EEPD1: variants seen among roughly 807,000 people sequenced by gnomAD.
The protein encoded by EEPD1 is endonuclease/exonuclease/phosphatase family domain-containing protein 1.
A neutral mutation model predicts 46.3 loss-of-function variants in EEPD1; 17 were observed. The observed-to-expected ratio is 0.37, with a 90% CI of 0.25 to 0.55. The LOEUF is 0.55. EEPD1 is among the 20% of genes least tolerant of loss of function. The probability of loss-of-function intolerance (pLI) is 0.83; values close to 1 mark genes in which losing one functional copy is unlikely to be tolerated. For missense variants in EEPD1, 673 were observed against 745.6 expected (o/e 0.90, Z 1.13); for synonymous variants, 313 against 315.6 (o/e 0.99, Z 0.09).
chr7:36,244,685 C>T (rs1446818960), intron 3 of EEPD1, among the ~76,000 whole-genome samples: 1 of 152,040 alleles, frequency 6.6e-6, no homozygotes, highest in Non-Finnish European at 1.5e-5. Flanking sequence ...CCTGAAGGCC[C>T]CAGCCCCTTT....
At chr7:36,209,739 T>C (rs1191687593) in intron 2 of EEPD1, among the ~76,000 whole-genome samples, 1 of 152,124 alleles carries the variant, frequency 6.6e-6, no homozygotes, top group Non-Finnish European at 1.5e-5. Flanking sequence ...AACTCACTCA[T>C]TACTGTGGGA....
intron 2 of EEPD1, among the ~76,000 whole-genome samples, chr7:36,215,743 G>A (rs772948859): frequency 2.0e-5 from 3 of 152,246 alleles, no homozygotes; most frequent in Non-Finnish European, 2.9e-5. Context: ...CCTGATGTTA[G>A]GGCTGTTTCT....
intron 2 of EEPD1, among the ~76,000 whole-genome samples, chr7:36,213,382 C>A (rs1785969568): frequency 6.6e-6 from 1 of 152,010 alleles, no homozygotes; most frequent in African/African-American, 2.4e-5. Flanking sequence ...GTGCAATTTG[C>A]TTGGAAAGTC....
At chr7:36,184,996 G>T (rs913114839) in intron 2 of EEPD1, among the ~76,000 whole-genome samples, 1 of 152,178 alleles carries the variant, frequency 6.6e-6, no homozygotes, top group East Asian at 1.9e-4. Flanking sequence ...CTTCCAAAGT[G>T]CTGGGATTCC....
intron 2 of EEPD1, among the ~76,000 whole-genome samples, chr7:36,196,399 C>CTCTCCCTCTCCCTCTCCCA (rs1166589742): frequency 4.1e-5 from 6 of 147,040 alleles, no homozygotes; most frequent in Admixed American, 6.6e-5. Flanking sequence ...TCCCATCTCC[C>CTCTCCCTCTCCCTCTCCCA]TCTCCCTCTC....
intron 3 of EEPD1, among the ~76,000 whole-genome samples, chr7:36,277,198 C>T (rs1308112163): frequency 6.6e-6 from 1 of 152,262 alleles, no homozygotes; most frequent in East Asian, 1.9e-4. Flanking sequence ...CCCTGTTCCA[C>T]CTGTCGAGGC....
At chr7:36,275,934 G>A (rs866202660) in intron 3 of EEPD1, among the ~76,000 whole-genome samples, 3 of 152,064 alleles carry the variant, frequency 2.0e-5, no homozygotes, top group South Asian at 2.1e-4. Context: ...ATCCACGGCC[G>A]ACCCAAGATA....
chr7:36,199,138 A>G (rs1489541847), intron 2 of EEPD1, among the ~76,000 whole-genome samples: 3 of 152,020 alleles, frequency 2.0e-5, no homozygotes, highest in African/African-American at 7.2e-5. Context: ...TTTCCGGGAA[A>G]TCCAAAGGAA....
intron 2 of EEPD1, 89 bp downstream of exon 2, chr7:36,155,291 G>T (rs1442272655): frequency 3.6e-6 from 5 of 1,400,688 alleles, no homozygotes; most frequent in East Asian, 4.9e-5. Flanking sequence ...ATTCTTTTGC[G>T]GGTAGGGAGG....
chr7:36,191,544 C>T (rs1294591262), intron 2 of EEPD1, among the ~76,000 whole-genome samples: 1 of 152,178 alleles, frequency 6.6e-6, no homozygotes, highest in African/African-American at 2.4e-5. Flanking sequence ...GCATCTGGCC[C>T]CTGTGACAGC....
chr7:36,168,782 G>A (rs1202223654), intron 2 of EEPD1, among the ~76,000 whole-genome samples: 1 of 150,052 alleles, frequency 6.7e-6, no homozygotes, highest in Non-Finnish European at 1.5e-5. Context: ...GTTGGGGGAG[G>A]GGGGACAGTT....
At chr7:36,157,347 C>A (rs12154572) in intron 2 of EEPD1, among the ~76,000 whole-genome samples, 43,975 of 152,092 alleles carry the variant, frequency 0.29, 6,603 homozygotes, top group African/African-American at 0.38. Context: ...CTTCTAGGAC[C>A]TATGAATGTG....
At chr7:36,159,346 A>G (rs1490098446) in intron 2 of EEPD1, among the ~76,000 whole-genome samples, 4 of 152,200 alleles carry the variant, frequency 2.6e-5, no homozygotes, top group African/African-American at 7.2e-5. Flanking sequence ...TCTCATATGA[A>G]CAATAGGCTC....
intron 6 of EEPD1, among the ~76,000 whole-genome samples, chr7:36,291,744 T>C (rs1247261290): frequency 6.6e-6 from 1 of 152,218 alleles, no homozygotes; most frequent in African/African-American, 2.4e-5. Context: ...AAAAAAAGAT[T>C]TGCCAAGTGT....
intron 3 of EEPD1, among the ~76,000 whole-genome samples, chr7:36,273,535 A>G (rs1174839886): frequency 6.6e-6 from 1 of 152,084 alleles, no homozygotes; most frequent in African/African-American, 2.4e-5. Flanking sequence ...GCAGTTTAGG[A>G]AGGGGTCTTT....
rs1388159949 is a variant in EEPD1, at chr7:36,279,934, A to AC, written c.931-1176dup. 5.3e-5 allele frequency among the ~76,000 whole-genome samples: 8 copies of AC among 152,164 alleles called. No homozygotes were observed. In the East Asian group the frequency reaches 1.4e-3, roughly 26 times the overall value. ...GGACTTCTTAGAAGCTATGCCAGTG[A>AC]CCCCCGTGAGAGAAGACAGGACTCT... On this transcript the variant is annotated intron_variant, in intron 3 of 7. Coordinates refer to ENST00000242108, the MANE Select transcript of EEPD1 (RefSeq NM_030636.3).
intron 2 of EEPD1, among the ~76,000 whole-genome samples, chr7:36,161,780 G>A (rs1784903750): frequency 6.6e-6 from 1 of 151,942 alleles, no homozygotes; most frequent in Non-Finnish European, 1.5e-5. Context: ...AGCTGAGTGG[G>A]GTAGTGCGTG....
chr7:36,196,410 C>G (rs1785586627), intron 2 of EEPD1, among the ~76,000 whole-genome samples: 1 of 152,080 alleles, frequency 6.6e-6, no homozygotes, highest in Admixed American at 6.5e-5. Flanking sequence ...TCTCCCTCTC[C>G]CTCTCCCATC....
intron 2 of EEPD1, chr7:36,231,123 A>G (rs1413254713): frequency 6.6e-6 from 1 of 152,204 alleles, no homozygotes; most frequent in Non-Finnish European, 1.5e-5. Flanking sequence ...GGGGCCATCG[A>G]GGCTTATGTG....
Sources: gnomAD v4.1 joint callset for allele counts (sites outside exome capture counted in the v4.1 genomes callset) on GRCh38, gnomAD v4.1.1 for gene constraint, MANE v1.5 for transcripts, NCBI Gene and HGNC (gene_info 2026-07-23, HGNC 2026-07-21) for gene names.